The following FUBP3 variants were observed in gnomAD, a reference collection of about 807,000 sequenced individuals.
FUBP3 encodes far upstream element binding protein 3.
In FUBP3, 28 loss-of-function variants were observed where a neutral mutation model predicts 85.6. The ratio of observed to expected loss-of-function variants is 0.33; its 90% CI spans 0.24 to 0.45. FUBP3 has a LOEUF of 0.45. Ranked by LOEUF, FUBP3 falls within the 20% of genes least tolerant of loss-of-function variation. The pLI, the probability that FUBP3 is intolerant of heterozygous loss-of-function variation, is 1.00. For missense variants in FUBP3, 583 were observed against 755.1 expected (o/e 0.77, Z 2.67); for synonymous variants, 271 against 271.4 (o/e 1.00, Z 0.01).
At chr9:130,604,323 T>A (rs1173039623) in intron 2 of FUBP3, among the ~76,000 whole-genome samples, 1 of 152,100 alleles carries the variant, frequency 6.6e-6, no homozygotes, top group East Asian at 1.9e-4. Context: ...AAGAAGTAAG[T>A]GGTTTGACCA....
rs1180275540 is a variant in FUBP3 at position 130,612,215 on chromosome 9, C to T, written c.225-241C>T. On this transcript the variant is annotated intron_variant, in intron 3 of 18. Coordinates refer to ENST00000319725, the MANE Select transcript of FUBP3 (RefSeq NM_003934.2). The surrounding 1 kb of genome is among the most constrained non-coding windows in gnomAD (Gnocchi z 4.1). ...AGAGGAGGTGATGGTTTCATGAAAA[C>T]CCTGAGGTTTCTTCCTCTGACAAAA... Among the ~76,000 whole-genome samples the T allele has an allele frequency of 2.0e-5, 3 of 152,234 alleles. No individual in the cohort carries two copies. Among genetic ancestry groups the T allele is most frequent in the East Asian group, 3.9e-4 (2 of 5,178 alleles).
Position 130,622,777 on chromosome 9 carries a change from A to T in FUBP3, c.841A>T (p.Asn281Tyr). Residue 281 changes from asparagine (N) to tyrosine (Y), a missense_variant, in exon 10 of 19, where the codon AAT becomes TAT. Transcript: ENST00000319725. ...RNGEMIKKIQ[N>Y]DAGVRIQFKP... ...CGGGGAAATGATCAAAAAGATCCAG[A>T]ATGATGCTGGTGTGAGGATTCAGTT... 2 of 1,595,696 alleles carry T rather than the reference A, an allele frequency of 1.3e-6. No individual in the cohort carries two copies.
intron 16 of FUBP3, among the ~76,000 whole-genome samples, chr9:130,633,781 C>T (rs994102528): frequency 6.6e-6 from 1 of 152,224 alleles, no homozygotes; most frequent in Non-Finnish European, 1.5e-5. Context: ...TCCCTCCTTC[C>T]TCCCGCTGCT....
intron 1 of FUBP3, among the ~76,000 whole-genome samples, chr9:130,586,440 C>T (rs1830340549): frequency 6.6e-6 from 1 of 152,104 alleles, no homozygotes; most frequent in Non-Finnish European, 1.5e-5. Flanking sequence ...CTCTCTGTGT[C>T]ACCCAGGCTG....
rs1005562465 is a variant in FUBP3 at position 130,579,639 on chromosome 9, T to G, written c.-42T>G. 89 of 1,159,632 alleles carry G rather than the reference T, an allele frequency of 7.7e-5. No individual in the cohort carries two copies. Among genetic ancestry groups the G allele is most frequent in the African/African-American group, 1.3e-4 (8 of 62,484 alleles). The allele number at this position is 1,159,632 out of a possible 1,614,324, so 71.8% of individuals were successfully genotyped here. A position where few individuals can be genotyped will look rare whatever the true frequency, so the allele number is the denominator to read the frequency against. On this transcript the variant is annotated 5_prime_UTR_variant, in exon 1 of 19. Transcript: ENST00000319725. ...CGGACCGGGGAGCCGAGCGGCGGCGTCGGCGGCGTCGGCGGCGGCGGCGAC... is the reference window on the plus strand; with the variant it reads ...CGGACCGGGGAGCCGAGCGGCGGCGGCGGCGGCGTCGGCGGCGGCGGCGAC...
rs939060849 is a variant in FUBP3, at chr9:130,616,581, A to G, written c.567+64A>G. The G allele has an allele frequency of 1.5e-5, 23 of 1,490,592 alleles. No individual in the cohort carries two copies. The highest frequency in any genetic ancestry group is 6.8e-5 in the East Asian group (3 of 44,272). 92.3% of individuals were successfully genotyped at this position (1,490,592 alleles called of 1,614,324 possible). On this transcript the variant is annotated intron_variant, in intron 7 of 18. Transcript: ENST00000319725. The surrounding 1 kb of genome is among the most constrained non-coding windows in gnomAD (Gnocchi z 4.7). ...CAGCAGGTCTTCAGCTTCCTGGCCC[A>G]GGAGATCTGCTTACGGCTGGCATTC...
chr9:130,609,796 A>G (rs1462965367), intron 2 of FUBP3, among the ~76,000 whole-genome samples, 158 bp from the exon 3 acceptor site: 2 of 152,194 alleles, frequency 1.3e-5, no homozygotes, highest in African/African-American at 2.4e-5. Flanking sequence ...GTTTCATATC[A>G]TATAACGCAT....
At chr9:130,622,963 A>AC (rs1301457175) in intron 10 of FUBP3, among the ~76,000 whole-genome samples, 153 bp downstream of exon 10, 8 of 152,046 alleles carry the variant, frequency 5.3e-5, no homozygotes. Flanking sequence ...CTACCAGATG[A>AC]CCAATCTCAG....
intron 18 of FUBP3, 129 bp downstream of exon 18, chr9:130,636,255 C>T (rs746462725): frequency 1.6e-5 from 15 of 940,178 alleles, no homozygotes; most frequent in Non-Finnish European, 2.5e-5. Flanking sequence ...CATAGCTCCT[C>T]AGCGAGGCTG....
At position 130,637,188 on chromosome 9, in the gene FUBP3, G is replaced by A. The variant is rs1830450642; in HGVS notation, c.*166G>A. ...ATTTTTCTAAAAATCAGGAAAATTA[G>A]TTACTAAAAATTGCTGATCATTTTT... On this transcript the variant is annotated 3_prime_UTR_variant, in exon 19 of 19. Transcript: ENST00000319725. 6 of 629,698 alleles carry A rather than the reference G, an allele frequency of 9.5e-6. No individual in the cohort carries two copies. Among genetic ancestry groups the A allele is most frequent in the African/African-American group, 1.8e-5 (1 of 54,390 alleles). 39.0% of individuals were successfully genotyped at this position (629,698 alleles called of 1,614,324 possible). A position where few individuals can be genotyped will look rare whatever the true frequency, so the allele number is the denominator to read the frequency against.
chr9:130,619,067 C>T (rs566145602), intron 8 of FUBP3, among the ~76,000 whole-genome samples: 2 of 152,284 alleles, frequency 1.3e-5, no homozygotes, highest in East Asian at 1.9e-4. Flanking sequence ...AGCGTCCGGC[C>T]GTGGGCTCCA....
rs1402919009 is a variant in FUBP3, at chr9:130,635,270, G to C, written c.1582+532G>C. On this transcript the variant is annotated intron_variant, in intron 17 of 18. Transcript: ENST00000319725. The surrounding 1 kb of genome is among the most constrained non-coding windows in gnomAD (Gnocchi z 4.3). ...AAATGAAACCAGCCTTCAGAGCAGG[G>C]CGAGGGACCCAACAAGCAAAAGGTC... Among the ~76,000 whole-genome samples the C allele has an allele frequency of 1.3e-5, 2 of 152,162 alleles. No homozygotes were observed. Among genetic ancestry groups the C allele is most frequent in the Admixed American group, 1.3e-4 (2 of 15,276 alleles).
Position 130,637,266 on chromosome 9 carries a change from G to A in FUBP3, c.*244G>A. Reference sequence around the variant, plus strand: ...TATAAGCTCTGGGATTCTTTTTGGAGCAATACCTACAAAGTCAGGCACCAG... The same window carrying A: ...TATAAGCTCTGGGATTCTTTTTGGAACAATACCTACAAAGTCAGGCACCAG... On this transcript the variant is annotated 3_prime_UTR_variant, in exon 19 of 19. Transcript: ENST00000319725. 5.6e-6 allele frequency: 3 copies of A among 533,490 alleles called. No homozygotes were observed. The highest frequency in any genetic ancestry group is 1.0e-5 in the Non-Finnish European group (3 of 295,462). The allele number at this position is 533,490 out of a possible 1,614,324, so 33.0% of individuals were successfully genotyped here.
At chr9:130,606,923 C>T (rs1831488562) in intron 2 of FUBP3, among the ~76,000 whole-genome samples, 1 of 151,106 alleles carries the variant, frequency 6.6e-6, no homozygotes, top group African/African-American at 2.4e-5. Context: ...TTTTTTTCTT[C>T]ACTAATAGGG....
At chr9:130,601,585 C>T (rs1326963401) in intron 2 of FUBP3, among the ~76,000 whole-genome samples, 1 of 152,060 alleles carries the variant, frequency 6.6e-6, no homozygotes, top group East Asian at 1.9e-4. Flanking sequence ...CTCAAAGACT[C>T]GTCTTTGCTA....
rs1832023087 is a variant in FUBP3, at chr9:130,616,645, T to G, written c.567+128T>G. On this transcript the variant is annotated intron_variant, in intron 7 of 18. Coordinates refer to ENST00000319725, the MANE Select transcript of FUBP3 (RefSeq NM_003934.2). This position sits in a 1 kb window ranked among gnomAD's most constrained non-coding sequence, Gnocchi z 4.7. ...GCTTTGTGCAGCATTGTGCTGAGGCTTCCTTCCTCCATTTGACAGACAGCT... is the reference window on the plus strand; with the variant it reads ...GCTTTGTGCAGCATTGTGCTGAGGCGTCCTTCCTCCATTTGACAGACAGCT... 1 of 808,952 alleles carries G rather than the reference T, an allele frequency of 1.2e-6. No individual in the cohort carries two copies. The highest frequency in any genetic ancestry group is 2.0e-6 in the Non-Finnish European group (1 of 509,070). The allele number at this position is 808,952 out of a possible 1,614,324, so 50.1% of individuals were successfully genotyped here. A position where few individuals can be genotyped will look rare whatever the true frequency, so the allele number is the denominator to read the frequency against.
intron 1 of FUBP3, among the ~76,000 whole-genome samples, chr9:130,590,430 T>C (rs977229151): frequency 4.6e-5 from 7 of 152,240 alleles, no homozygotes; most frequent in African/African-American, 1.7e-4. Flanking sequence ...GTGACGTTGA[T>C]TTGTTTTTCA....
Position 130,632,564 on chromosome 9 carries a change from T to A in FUBP3, c.1510+286T>A, listed in dbSNP as rs1475460144. Among the ~76,000 whole-genome samples, 3 of 152,200 alleles carry A rather than the reference T, an allele frequency of 2.0e-5. No homozygotes were observed. In the East Asian group the frequency reaches 5.8e-4, roughly 29 times the overall value. On this transcript the variant is annotated intron_variant, in intron 16 of 18. Coordinates refer to ENST00000319725, the MANE Select transcript of FUBP3 (RefSeq NM_003934.2). ...CTGTCCTCAGAGTTCTGGGCCTCTG[T>A]CACTTTCGTTCCCTATGCATGGGTG...
chr9:130,609,686 C>G (rs1458541806), intron 2 of FUBP3, among the ~76,000 whole-genome samples: 1 of 152,232 alleles, frequency 6.6e-6, no homozygotes, highest in Non-Finnish European at 1.5e-5. Context: ...GCAGGATTTT[C>G]TCCCAGGCCT....
Sources: allele counts gnomAD v4.1 joint callset (sites outside exome capture counted in the v4.1 genomes callset), GRCh38; gene constraint gnomAD v4.1.1; non-coding constraint Gnocchi (gnomAD v3.1); transcripts MANE v1.5; gene names NCBI Gene and HGNC (gene_info 2026-07-23, HGNC 2026-07-21).